The following GPI variants were observed in gnomAD, a reference collection of about 807,000 sequenced individuals.
GPI encodes the protein glucose-6-phosphate isomerase, also known as D-hexose-6-phosphate anomerase.
A neutral mutation model predicts 75.8 loss-of-function variants in GPI; 56 were observed. The observed-to-expected ratio is 0.74, with a 90% CI of 0.60 to 0.92. The LOEUF is 0.92. Ranked by LOEUF, GPI falls within the 40% of genes least tolerant of loss-of-function variation. GPI has a pLI of 0.00. For missense variants in GPI, 638 were observed against 741.0 expected, an observed-to-expected ratio of 0.86 and a Z score of 1.61; for synonymous variants, 288 against 285.4, an observed-to-expected ratio of 1.01 and a Z score of -0.09.
rs2074372595 is a variant in GPI, at chr19:34,366,788, G to A, written c.219G>A (p.Lys73=). Reference sequence around the variant, plus strand: ...TCAGTATCGTCTCTTCCTAGGCCAAGTCCAGGGGCGTGGAGGCCGCCCGGG... The same window carrying A: ...TCAGTATCGTCTCTTCCTAGGCCAAATCCAGGGGCGTGGAGGCCGCCCGGG... ...DVMRMLVDLA[K]SRGVEAARER... Residue 73 remains lysine, a synonymous_variant, in exon 3 of 18, where the codon AAG becomes AAA. Transcript: ENST00000356487. 6.2e-7 allele frequency: 1 copy of A among 1,612,722 alleles called. No individual in the cohort carries two copies. The highest frequency in any genetic ancestry group is 1.7e-5 in the Admixed American group (1 of 60,028).
chr19:34,382,509 C>G (rs1434630609), intron 9 of GPI, among the ~76,000 whole-genome samples: 1 of 152,130 alleles, frequency 6.6e-6, no homozygotes, highest in Non-Finnish European at 1.5e-5. Flanking sequence ...ACGAGAATCA[C>G]TCAAGTCATT....
At chr19:34,376,190 A>G (rs754323792) in intron 4 of GPI, among the ~76,000 whole-genome samples, 1 of 152,146 alleles carries the variant, frequency 6.6e-6, no homozygotes, top group South Asian at 2.1e-4. Context: ...TTGGGAGGTC[A>G]AGATGGGAGG....
upstream of GPI, chr19:34,365,175 C>T: frequency 7.9e-7 from 1 of 1,273,060 alleles, no homozygotes; most frequent in Non-Finnish European, 9.9e-7. Flanking sequence ...CCATAAAGGC[C>T]GCCGCGCGCC....
chr19:34,371,936 C>CTT (rs962553802), intron 4 of GPI, among the ~76,000 whole-genome samples: 1 of 142,164 alleles, frequency 7.0e-6, no homozygotes. Flanking sequence ...AGGAGACTTG[C>CTT]TTTTTTTTTT....
At position 34,402,256 on chromosome 19, in the gene GPI, G is replaced by A. The variant is rs940062801; in HGVS notation, c.*2220G>A. The A allele has an allele frequency of 2.0e-5, 3 of 152,198 alleles. No individual in the cohort carries two copies. Among genetic ancestry groups the A allele is most frequent in the African/African-American group, 7.2e-5 (3 of 41,452 alleles). The allele number at this position is 152,198 out of a possible 1,614,324, so 9.4% of individuals were successfully genotyped here. A position where few individuals can be genotyped will look rare whatever the true frequency, so the allele number is the denominator to read the frequency against. ...GAGCATTCACTTCAGCCTCTGACTG[G>A]TGGCAGGCCAAGTCTTTATTTACAT... On this transcript the variant is annotated 3_prime_UTR_variant, in exon 18 of 18. Transcript: ENST00000356487.
At chr19:34,384,446 A>G (rs115655407) in intron 9 of GPI, among the ~76,000 whole-genome samples, 2 of 152,212 alleles carry the variant, frequency 1.3e-5, no homozygotes, top group Non-Finnish European at 2.9e-5. Flanking sequence ...TGTGTTAAGC[A>G]TGGTGGGTAG....
chr19:34,400,890 T>A lies in GPI; in HGVS notation c.*854T>A, dbSNP rs2075012504. ...CACGGCGCACACCACCATACCCAGCTAATTTTTGTATTTTTAGTAGTGAAG... is the reference window on the plus strand; with the variant it reads ...CACGGCGCACACCACCATACCCAGCAAATTTTTGTATTTTTAGTAGTGAAG... On this transcript the variant is annotated 3_prime_UTR_variant, in exon 18 of 18. Coordinates refer to ENST00000356487, the MANE Select transcript of GPI (RefSeq NM_000175.5). 2 of 312,840 alleles carry A rather than the reference T, an allele frequency of 6.4e-6. No individual in the cohort carries two copies. The highest frequency in any genetic ancestry group is 2.2e-5 in the African/African-American group (1 of 46,304). 19.4% of individuals were successfully genotyped at this position (312,840 alleles called of 1,614,324 possible).
rs1359920467 is a variant in GPI, at chr19:34,400,441, G to T, written c.*405G>T. On this transcript the variant is annotated 3_prime_UTR_variant, in exon 18 of 18. Coordinates refer to ENST00000356487, the MANE Select transcript of GPI (RefSeq NM_000175.5). ...TGCCTCTGCGGACACTTAACACTAA[G>T]TGGTGAGCGGGTCTAGAGTGGAGCA... 5.1e-6 allele frequency: 3 copies of T among 583,746 alleles called. No homozygotes were observed. In the East Asian group the frequency reaches 8.4e-5, roughly 16 times the overall value. 36.2% of individuals were successfully genotyped at this position (583,746 alleles called of 1,614,324 possible). A position where few individuals can be genotyped will look rare whatever the true frequency, so the allele number is the denominator to read the frequency against.
In GPI at chr19:34,400,341, A is replaced by C; in HGVS notation, c.*305A>C. On this transcript the variant is annotated 3_prime_UTR_variant, in exon 18 of 18. Transcript: ENST00000356487. Reference sequence around the variant, plus strand: ...ATGCCACGGAGGAGGTTGTAGGCTCAGCCTCTGATTTTTTTTTTCCTGTGA... The same window carrying C: ...ATGCCACGGAGGAGGTTGTAGGCTCCGCCTCTGATTTTTTTTTTCCTGTGA... 1.7e-6 allele frequency: 1 copy of C among 595,078 alleles called. No homozygotes were observed. Among genetic ancestry groups the C allele is most frequent in the Non-Finnish European group, 3.0e-6 (1 of 335,042 alleles). The allele number at this position is 595,078 out of a possible 1,614,324, so 36.9% of individuals were successfully genotyped here. A position where few individuals can be genotyped will look rare whatever the true frequency, so the allele number is the denominator to read the frequency against.
At chr19:34,395,671 A>G (rs1333512107) in intron 12 of GPI, among the ~76,000 whole-genome samples, 1 of 152,150 alleles carries the variant, frequency 6.6e-6, no homozygotes, top group Non-Finnish European at 1.5e-5. Flanking sequence ...TTTCCTGGGC[A>G]TGAGTCCTTC....
chr19:34,364,891 C>A, upstream of GPI: 1 of 1,306,368 alleles, frequency 7.7e-7, no homozygotes, highest in Non-Finnish European at 1.1e-6. Context: ...GACTAGTGCA[C>A]AGGGAGTGCA....
intron 12 of GPI, among the ~76,000 whole-genome samples, chr19:34,395,685 C>T (rs2074933418): frequency 6.6e-6 from 1 of 152,166 alleles, no homozygotes; most frequent in African/African-American, 2.4e-5. Context: ...GTCCTTCCTG[C>T]ACAGTGGCTT....
chr19:34,369,951 T>A (rs2074426450), intron 4 of GPI, among the ~76,000 whole-genome samples: 1 of 152,214 alleles, frequency 6.6e-6, no homozygotes, highest in Admixed American at 6.5e-5. Flanking sequence ...AGAAAAGTTT[T>A]CCTGTGAAGT....
At chr19:34,368,478 C>A in intron 3 of GPI, 105 bp from the exon 4 acceptor site, 2 of 1,257,606 alleles carry the variant, frequency 1.6e-6, no homozygotes, top group Non-Finnish European at 2.3e-6. Flanking sequence ...TCAGGGCCTG[C>A]CTGTCTAGTG....
chr19:34,396,677 CCCA>C lies in GPI; in HGVS notation c.1269+21_1269+23del. ...CACAAGGTAAGAGCCCCCATCTGGC[CCCA>C]TCTGGGGGGTCTGGCTCACATTGCA... On this transcript the variant is annotated intron_variant, in intron 14 of 17. Transcript: ENST00000356487. 5.6e-6 allele frequency: 9 copies of C among 1,604,652 alleles called. No individual in the cohort carries two copies. Among genetic ancestry groups the C allele is most frequent in the Non-Finnish European group, 7.7e-6 (9 of 1,171,774 alleles).
chr19:34,368,436 C>G, intron 3 of GPI, 147 bp from the exon 4 acceptor site: 1 of 815,344 alleles, frequency 1.2e-6, no homozygotes, highest in South Asian at 1.6e-5. Context: ...ACAGTGGGTT[C>G]TTGGAACAAG....
chr19:34,378,666 G>C (rs1334737013), intron 6 of GPI, among the ~76,000 whole-genome samples: 1 of 152,238 alleles, frequency 6.6e-6, no homozygotes, highest in Non-Finnish European at 1.5e-5. Flanking sequence ...GGGCCGAAGA[G>C]AGCCTCAGGT....
At position 34,397,770 on chromosome 19, in the gene GPI, G is replaced by T. The variant is rs2074966278; in HGVS notation, c.1269+1113G>T. The T allele has an allele frequency of 4.0e-5, 6 of 150,372 alleles. No homozygotes were observed. In the Admixed American group the frequency reaches 4.0e-4, roughly 10 times the overall value. 9.3% of individuals were successfully genotyped at this position (150,372 alleles called of 1,614,324 possible). On this transcript the variant is annotated intron_variant, in intron 14 of 17. Transcript: ENST00000356487. Reference sequence around the variant, plus strand: ...GATTCTCCTGCCTCGGCCTCCCAAAGTTTTGGGATTACAGGCATGAGCTAC... The same window carrying T: ...GATTCTCCTGCCTCGGCCTCCCAAATTTTTGGGATTACAGGCATGAGCTAC...
At chr19:34,369,256 C>G (rs60286896) in intron 4 of GPI, among the ~76,000 whole-genome samples, 19,053 of 151,104 alleles carry the variant, frequency 0.13, 1,645 homozygotes, top group African/African-American at 0.24. Context: ...ACCATGTTGG[C>G]CAGGCTGGTC....
Sources: gnomAD v4.1 joint callset for allele counts (sites outside exome capture counted in the v4.1 genomes callset) on GRCh38, gnomAD v4.1.1 for gene constraint, MANE v1.5 for transcripts, NCBI Gene and HGNC (gene_info 2026-07-23, HGNC 2026-07-21) for gene names.